DPF3: variants seen among roughly 807,000 people sequenced by gnomAD.
The protein encoded by DPF3 is zinc finger protein DPF3.
Under a neutral mutation model 56.8 loss-of-function variants are expected in DPF3, and 18 were observed. That is an observed-to-expected ratio of 0.32 (90% confidence interval 0.22 to 0.47). DPF3 has a LOEUF of 0.47. Ranked by LOEUF, DPF3 falls within the 20% of genes least tolerant of loss-of-function variation. DPF3 has a pLI of 1.00. For missense variants in DPF3, 403 were observed against 488.8 expected (o/e 0.82, Z 1.65); for synonymous variants, 188 against 180.2 (o/e 1.04, Z -0.35).
At chr14:72,847,350 G>A (rs927595685) in intron 1 of DPF3, among the ~76,000 whole-genome samples, 1 of 152,160 alleles carries the variant, frequency 6.6e-6, no homozygotes, top group African/African-American at 2.4e-5. Context: ...CTTACCATGA[G>A]GGCCACGACA....
At position 72,618,780 on chromosome 14, in the gene DPF3, C is replaced by T. The variant is rs531331155; in HGVS notation, c.*517G>A. On this transcript the variant is annotated 3_prime_UTR_variant, in exon 11 of 11. Coordinates refer to ENST00000556509, the MANE Select transcript of DPF3 (RefSeq NM_001280542.3). ...GGAACAAGAAAGGGTTTCAAGACCC[C>T]AAGTCTAGAAGTTTCCAGTGAGGCT... Among the ~76,000 whole-genome samples the T allele has an allele frequency of 3.3e-5, 5 of 152,302 alleles. No individual in the cohort carries two copies. The East Asian group carries it at 9.7e-4, about 29-fold the overall frequency.
At position 72,617,831 on chromosome 14, in the gene DPF3, A is replaced by T. The variant is rs937986232; in HGVS notation, c.*1466T>A. The stretch of plus-strand genomic sequence containing the variant: ...AAAAATAACCTGGGCCTTTGTTGTG[A>T]GCAGCCAGACCACAGAGATGGAGCT... On this transcript the variant is annotated 3_prime_UTR_variant, in exon 11 of 11. Transcript: ENST00000556509. Among the ~76,000 whole-genome samples the T allele has an allele frequency of 6.6e-6, 1 of 152,168 alleles. No individual in the cohort carries two copies. Among genetic ancestry groups the T allele is most frequent in the African/African-American group, 2.4e-5 (1 of 41,444 alleles).
At chr14:72,714,879 C>T (rs1888842496) in intron 5 of DPF3, among the ~76,000 whole-genome samples, 1 of 152,204 alleles carries the variant, frequency 6.6e-6, no homozygotes, top group Admixed American at 6.5e-5. Context: ...GCCACTGAGG[C>T]CGCTTCCTCC....
chr14:72,661,354 G>A, intron 8 of DPF3: 2 of 985,368 alleles, frequency 2.0e-6, no homozygotes, highest in Non-Finnish European at 2.4e-6. Flanking sequence ...CCCTTTCAGA[G>A]GCCAAAGAGA....
At chr14:72,853,779 C>T (rs1042047052) in intron 1 of DPF3, among the ~76,000 whole-genome samples, 2 of 152,104 alleles carry the variant, frequency 1.3e-5, no homozygotes, top group Non-Finnish European at 2.9e-5. Flanking sequence ...ACCTTTTTTA[C>T]ATACACAAAA....
chr14:72,791,037 G>A (rs1481798101), intron 1 of DPF3, among the ~76,000 whole-genome samples: 3 of 152,152 alleles, frequency 2.0e-5, no homozygotes, highest in Admixed American at 1.3e-4. Flanking sequence ...CCTTCCTGCT[G>A]TGGAGTGTCT....
intron 3 of DPF3, among the ~76,000 whole-genome samples, chr14:72,744,781 A>C (rs1890260032): frequency 6.6e-6 from 1 of 152,082 alleles, no homozygotes; most frequent in Non-Finnish European, 1.5e-5. Context: ...CAGGAGGGAC[A>C]AGCTGAATGT....
intron 1 of DPF3, among the ~76,000 whole-genome samples, chr14:72,776,998 T>A (rs1222192518): frequency 6.6e-6 from 1 of 152,018 alleles, no homozygotes; most frequent in African/African-American, 2.4e-5. Context: ...TTCTCTCCAC[T>A]CCCCCTGTGT....
At chr14:72,789,108 C>T (rs1300083024) in intron 1 of DPF3, among the ~76,000 whole-genome samples, 4 of 152,188 alleles carry the variant, frequency 2.6e-5, no homozygotes, top group South Asian at 2.1e-4. Context: ...TTTAAACGCA[C>T]GTTGCAGTCC....
intron 7 of DPF3, among the ~76,000 whole-genome samples, chr14:72,686,156 G>A (rs1056357490): frequency 4.6e-5 from 7 of 152,162 alleles, no homozygotes; most frequent in Non-Finnish European, 8.8e-5. Context: ...GATATGCCAG[G>A]GCCAGGTCAG....
intron 8 of DPF3, chr14:72,661,649 TAGA>T: frequency 1.0e-6 from 1 of 985,422 alleles, no homozygotes; most frequent in Non-Finnish European, 1.2e-6. Flanking sequence ...AGGGCCATGT[TAGA>T]ACACCCGCCG....
intron 2 of DPF3, 73 bp downstream of exon 2, chr14:72,771,660 G>C: frequency 2.6e-6 from 4 of 1,523,418 alleles, no homozygotes; most frequent in Non-Finnish European, 3.5e-6. Flanking sequence ...TGGTTTCCCA[G>C]ACAAGCTGCG....
intron 8 of DPF3, chr14:72,661,884 A>G (rs981856889): frequency 3.4e-6 from 3 of 889,126 alleles, no homozygotes; most frequent in Non-Finnish European, 3.8e-6. Flanking sequence ...TTGCTGCATT[A>G]TTTTAAACAA....
chr14:72,780,514 T>C (rs1891927651), intron 1 of DPF3, among the ~76,000 whole-genome samples: 1 of 152,228 alleles, frequency 6.6e-6, no homozygotes, highest in Admixed American at 6.5e-5. Context: ...AGCAAACTAA[T>C]GAAAGCTTCA....
intron 2 of DPF3, among the ~76,000 whole-genome samples, chr14:72,768,705 T>C (rs927173243): frequency 6.6e-6 from 1 of 152,066 alleles, no homozygotes; most frequent in Non-Finnish European, 1.5e-5. Flanking sequence ...CCCTGATAAG[T>C]GAAAGCAAAA....
intron 8 of DPF3, among the ~76,000 whole-genome samples, chr14:72,667,210 A>G (rs1174383139): frequency 6.6e-6 from 1 of 152,182 alleles, no homozygotes; most frequent in Non-Finnish European, 1.5e-5. Flanking sequence ...AAAAAATTAA[A>G]TGCATATTTC....
chr14:72,678,606 G>T (rs1887018929), intron 7 of DPF3, among the ~76,000 whole-genome samples: 1 of 152,214 alleles, frequency 6.6e-6, no homozygotes, highest in African/African-American at 2.4e-5. Flanking sequence ...TTATAAAAAA[G>T]ATTTTACTAC....
chr14:72,629,764 A>G (rs1329435624), intron 8 of DPF3, 28 bp from the exon 9 acceptor site: 1 of 1,505,900 alleles, frequency 6.6e-7, no homozygotes, highest in Non-Finnish European at 8.9e-7. Context: ...CAACAGCATT[A>G]GGGCCAAAGT....
intron 7 of DPF3, among the ~76,000 whole-genome samples, chr14:72,680,672 C>A (rs760236289): frequency 1.3e-5 from 2 of 152,254 alleles, no homozygotes; most frequent in Non-Finnish European, 1.5e-5. Flanking sequence ...AACTGTCACA[C>A]TCCGCACCGT....
Sources: gnomAD v4.1 joint callset for allele counts (sites outside exome capture counted in the v4.1 genomes callset) on GRCh38, gnomAD v4.1.1 for gene constraint, MANE v1.5 for transcripts, NCBI Gene and HGNC (gene_info 2026-07-23, HGNC 2026-07-21) for gene names.